Variants in CNTN6 observed in about 807,000 individuals in gnomAD.
CNTN6 encodes contactin-6.
Under a neutral mutation model 122.8 loss-of-function variants are expected in CNTN6, and 137 were observed. The ratio of observed to expected loss-of-function variants is 1.12; its 90% CI spans 0.97 to 1.29. The LOEUF is 1.29. CNTN6 is among the 50% of genes most tolerant of loss of function. The pLI, the probability that CNTN6 is intolerant of heterozygous loss-of-function variation, is 0.00. For synonymous variants in CNTN6, 570 were observed against 426.0 expected (o/e 1.34, Z -4.16); for missense variants, 1,634 against 1,223.4 (o/e 1.34, Z -5.01).
At chr3:1,249,852 A>G (rs2094635402) in intron 4 of CNTN6, among the ~76,000 whole-genome samples, 1 of 152,210 alleles carries the variant, frequency 6.6e-6, no homozygotes, top group East Asian at 1.9e-4. Context: ...GTAATCAAAT[A>G]TAAACAACTG....
At chr3:1,328,205 A>C (rs1701804670) in intron 10 of CNTN6, among the ~76,000 whole-genome samples, 1 of 151,896 alleles carries the variant, frequency 6.6e-6, no homozygotes, top group Admixed American at 6.6e-5. Flanking sequence ...GAGTTCTGTC[A>C]CATGACCATC....
intron 17 of CNTN6, among the ~76,000 whole-genome samples, chr3:1,382,570 GAAAT>G (rs895203116): frequency 3.0e-4 from 45 of 152,058 alleles, no homozygotes; most frequent in African/African-American, 8.7e-4. Flanking sequence ...ATCTAGTCTT[GAAAT>G]AAATAGTTAA....
intron 2 of CNTN6, among the ~76,000 whole-genome samples, chr3:1,181,882 G>A (rs2093559578): frequency 6.6e-6 from 1 of 152,014 alleles, no homozygotes; most frequent in Admixed American, 6.6e-5. Flanking sequence ...GTGTATCTAT[G>A]CCACACATTG....
chr3:1,250,276 G>A (rs183273226), intron 4 of CNTN6, among the ~76,000 whole-genome samples: 6 of 152,240 alleles, frequency 3.9e-5, no homozygotes, highest in African/African-American at 1.4e-4. Flanking sequence ...CACAACACTG[G>A]CATTTCAAAG....
chr3:1,381,527 G>A (rs551993995), intron 17 of CNTN6, among the ~76,000 whole-genome samples: 2 of 152,050 alleles, frequency 1.3e-5, no homozygotes, highest in Non-Finnish European at 2.9e-5. Context: ...ATGAAGAACC[G>A]GAACATGGTT....
chr3:1,194,995 C>T (rs1264482858), intron 2 of CNTN6, among the ~76,000 whole-genome samples: 4 of 152,058 alleles, frequency 2.6e-5, no homozygotes, highest in African/African-American at 4.8e-5. Flanking sequence ...TTTTCATATG[C>T]CTTTAATAGG....
chr3:1,195,726 T>C (rs2093767301), intron 2 of CNTN6, among the ~76,000 whole-genome samples: 1 of 152,182 alleles, frequency 6.6e-6, no homozygotes, highest in Non-Finnish European at 1.5e-5. Context: ...GGCATATATT[T>C]ATAGTCAACT....
intron 17 of CNTN6, among the ~76,000 whole-genome samples, chr3:1,379,642 A>T (rs540015643): frequency 1.3e-5 from 2 of 152,216 alleles, no homozygotes; most frequent in Non-Finnish European, 2.9e-5. Flanking sequence ...CCCTATTTTT[A>T]AAAATTAAAC....
intron 11 of CNTN6, among the ~76,000 whole-genome samples, chr3:1,345,914 T>A (rs1369619510): frequency 6.6e-6 from 1 of 151,856 alleles, no homozygotes; most frequent in Non-Finnish European, 1.5e-5. Context: ...CAGTTAATAA[T>A]CTAACTATAA....
intron 2 of CNTN6, among the ~76,000 whole-genome samples, chr3:1,156,636 TC>T (rs1351581261): frequency 6.6e-6 from 1 of 151,382 alleles, no homozygotes; most frequent in Admixed American, 6.6e-5. Context: ...TCTTTCTCTT[TC>T]TTTCTTTCTT....
chr3:1,295,787 T>C lies in CNTN6; in HGVS notation c.641T>C (p.Leu214Ser). The C allele has an allele frequency of 6.2e-7, 1 of 1,612,836 alleles. No homozygotes were observed. The highest frequency in any genetic ancestry group is 8.5e-7 in the Non-Finnish European group (1 of 1,178,826). The change falls in exon 6 of 23, where the codon TTA (leucine) becomes TCA (serine). Residue 214 changes from leucine (L) to serine (S), a missense_variant. Coordinates refer to ENST00000446702, the MANE Select transcript of CNTN6 (RefSeq NM_001289080.2). Reference sequence around the variant, plus strand: ...AGTGTTCAAGGTCCACCCACTCCATTAGTGCAGCGCACTGATGGTAAGATA... The same window carrying C: ...AGTGTTCAAGGTCCACCCACTCCATCAGTGCAGCGCACTGATGGTAAGATA... ...QRSVQGPPTP[L>S]VQRTDGVMGE...
intron 20 of CNTN6, among the ~76,000 whole-genome samples, chr3:1,400,807 T>C (rs755834580): frequency 1.3e-5 from 2 of 152,108 alleles, no homozygotes; most frequent in African/African-American, 2.4e-5. Flanking sequence ...AGAGGTACTC[T>C]CTGGCAAGAT....
At chr3:1,104,450 T>C (rs1020361537) in intron 1 of CNTN6, among the ~76,000 whole-genome samples, 1 of 152,130 alleles carries the variant, frequency 6.6e-6, no homozygotes, top group African/African-American at 2.4e-5. Context: ...CAGACCCAAC[T>C]CTTTCCCTGA....
chr3:1,357,360 C>T (rs1047764547), intron 12 of CNTN6, among the ~76,000 whole-genome samples: 2 of 151,650 alleles, frequency 1.3e-5, no homozygotes, highest in Admixed American at 6.6e-5. Context: ...TGGAACTTGA[C>T]GACTTAGTTT....
intron 4 of CNTN6, among the ~76,000 whole-genome samples, chr3:1,246,219 C>G (rs1448675404): frequency 6.6e-6 from 1 of 152,048 alleles, no homozygotes; most frequent in African/African-American, 2.4e-5. Flanking sequence ...CTCCTTCTGC[C>G]TCAAAGATGA....
intron 1 of CNTN6, among the ~76,000 whole-genome samples, chr3:1,144,121 G>A (rs77211802): frequency 0.02 from 2,981 of 152,256 alleles, 115 homozygotes; most frequent in African/African-American, 0.067. Flanking sequence ...TAGACACCAC[G>A]CCGAGTATTA....
chr3:1,249,473 A>T (rs190922673), intron 4 of CNTN6, among the ~76,000 whole-genome samples: 101 of 152,354 alleles, frequency 6.6e-4, no homozygotes, highest in Non-Finnish European at 1.2e-3. Flanking sequence ...GTGCTTGAGC[A>T]TTAACCAAAG....
chr3:1,367,077 T>C (rs887322325), intron 12 of CNTN6, among the ~76,000 whole-genome samples: 43 of 152,168 alleles, frequency 2.8e-4, no homozygotes, highest in African/African-American at 1.0e-3. Context: ...GGATATAATG[T>C]GATATTTTGA....
At chr3:1,098,534 T>C (rs571791901) in intron 1 of CNTN6, among the ~76,000 whole-genome samples, 2 of 151,528 alleles carry the variant, frequency 1.3e-5, no homozygotes, top group South Asian at 2.1e-4. Context: ...TCCTGTCTTA[T>C]TTCACAGAGA....
Sources: allele counts gnomAD v4.1 joint callset (sites outside exome capture counted in the v4.1 genomes callset), GRCh38; gene constraint gnomAD v4.1.1; transcripts MANE v1.5; gene names NCBI Gene and HGNC (gene_info 2026-07-23, HGNC 2026-07-21).